The following TENM2 variants were observed in gnomAD, a reference collection of about 807,000 sequenced individuals.
TENM2 encodes the protein teneurin-2.
A neutral mutation model predicts 245.2 loss-of-function variants in TENM2; 52 were observed. That is an observed-to-expected ratio of 0.21 (90% CI 0.17 to 0.27). TENM2 has a LOEUF of 0.27. TENM2 is among the 10% of genes least tolerant of loss of function. TENM2 has a pLI of 1.00. For missense variants in TENM2, 3,046 were observed against 3,666.8 expected (o/e 0.83, Z 4.37); for synonymous variants, 1,363 against 1,438.9 (o/e 0.95, Z 1.19).
chr5:167,504,254 A>C (rs969996761), intron 2 of TENM2, among the ~76,000 whole-genome samples: 1 of 151,996 alleles, frequency 6.6e-6, no homozygotes, highest in Non-Finnish European at 1.5e-5. Flanking sequence ...TGAAACGTGG[A>C]CCCCCATGCA....
At chr5:167,826,513 C>T (rs1479718030) in intron 2 of TENM2, among the ~76,000 whole-genome samples, 2 of 152,246 alleles carry the variant, frequency 1.3e-5, no homozygotes, top group African/African-American at 4.8e-5. Flanking sequence ...AGCACCATTT[C>T]CTGTCACTAA....
At chr5:167,567,785 CAT>C (rs1176110782) in intron 2 of TENM2, among the ~76,000 whole-genome samples, 2 of 152,188 alleles carry the variant, frequency 1.3e-5, no homozygotes, top group Non-Finnish European at 2.9e-5. Context: ...TGCACTTTTA[CAT>C]TATACTAGCT....
At chr5:167,021,357 A>C in the TENM2 span, among the ~76,000 whole-genome samples, 1 of 152,228 alleles carries the variant, frequency 6.6e-6, no homozygotes. Context: ...ACAGTAGTAC[A>C]GGAAATTAAT....
chr5:167,467,915 G>C (rs1030322308), intron 2 of TENM2, among the ~76,000 whole-genome samples: 2 of 152,102 alleles, frequency 1.3e-5, no homozygotes, highest in African/African-American at 4.8e-5. Context: ...AAACCTATAA[G>C]CTGGCATGTA....
chr5:167,804,525 A>G (rs1350461132), intron 2 of TENM2, among the ~76,000 whole-genome samples: 2 of 152,122 alleles, frequency 1.3e-5, no homozygotes, highest in African/African-American at 4.8e-5. Context: ...TGTTGACTAT[A>G]TATTCTGTTT....
intron 3 of TENM2, among the ~76,000 whole-genome samples, chr5:167,891,150 A>G (rs1774723593): frequency 6.6e-6 from 1 of 152,234 alleles, no homozygotes; most frequent in Non-Finnish European, 1.5e-5. Context: ...ATTTTGTGTT[A>G]CATGAAGATA....
chr5:167,324,799 T>A (rs1244997144), intron 1 of TENM2, among the ~76,000 whole-genome samples: 1 of 152,146 alleles, frequency 6.6e-6, no homozygotes, highest in Non-Finnish European at 1.5e-5. Flanking sequence ...TCAGGTACAT[T>A]GATTTAATGA....
intron 5 of TENM2, among the ~76,000 whole-genome samples, chr5:168,039,981 G>A (rs1788042302): frequency 6.6e-6 from 1 of 152,106 alleles, no homozygotes; most frequent in Non-Finnish European, 1.5e-5. Flanking sequence ...CACAGCAATT[G>A]ATTAATCTCG....
chr5:168,182,836 T>C (rs2152494187), intron 13 of TENM2, among the ~76,000 whole-genome samples: 1 of 141,456 alleles, frequency 7.1e-6, no homozygotes, highest in East Asian at 2.0e-4. Context: ...TTTTTTTTTT[T>C]TTTTTTTTTT....
chr5:167,098,422 C>G, the TENM2 span, among the ~76,000 whole-genome samples: 2 of 152,224 alleles, frequency 1.3e-5, no homozygotes, highest in African/African-American at 2.4e-5. Flanking sequence ...ACAGATACAA[C>G]AAACCTTGAA....
At chr5:167,630,699 CA>C (rs1198302277) in intron 2 of TENM2, among the ~76,000 whole-genome samples, 1 of 152,086 alleles carries the variant, frequency 6.6e-6, no homozygotes, top group Non-Finnish European at 1.5e-5. Context: ...CTTTAAAATG[CA>C]ATAACCATTT....
the TENM2 span, among the ~76,000 whole-genome samples, chr5:167,230,476 G>T: frequency 2.4e-4 from 37 of 152,118 alleles, no homozygotes; most frequent in African/African-American, 8.4e-4. Context: ...CACTATTTTG[G>T]TTCTTCTTAG....
intron 2 of TENM2, among the ~76,000 whole-genome samples, chr5:167,400,915 G>A (rs1762330213): frequency 6.6e-6 from 1 of 152,066 alleles, no homozygotes; most frequent in Non-Finnish European, 1.5e-5. Context: ...TGAGGTCCTT[G>A]TAGGTGCTTG....
the TENM2 span, among the ~76,000 whole-genome samples, chr5:167,226,426 G>A: frequency 3.3e-5 from 5 of 151,980 alleles, no homozygotes; most frequent in Admixed American, 3.3e-4. Flanking sequence ...GGAACATGTT[G>A]TTTAGTATCC....
the TENM2 span, among the ~76,000 whole-genome samples, chr5:167,123,778 AG>A: frequency 2.0e-5 from 3 of 152,232 alleles, no homozygotes; most frequent in Non-Finnish European, 4.4e-5. Context: ...AGGTTTATAC[AG>A]GTATATGCAG....
intron 2 of TENM2, among the ~76,000 whole-genome samples, chr5:167,745,555 G>A (rs1761499848): frequency 6.6e-6 from 1 of 152,120 alleles, no homozygotes; most frequent in Non-Finnish European, 1.5e-5. Flanking sequence ...CACATTAGAA[G>A]CTATTTTTAG....
chr5:167,076,854 T>A, the TENM2 span, among the ~76,000 whole-genome samples: 26 of 152,160 alleles, frequency 1.7e-4, no homozygotes, highest in Non-Finnish European at 2.8e-4. Flanking sequence ...CTTTTTTCTT[T>A]TTTTGACAGA....
intron 12 of TENM2, among the ~76,000 whole-genome samples, chr5:168,138,522 C>T (rs1446669585): frequency 1.3e-5 from 2 of 152,242 alleles, no homozygotes; most frequent in African/African-American, 2.4e-5. Context: ...AAGGGTGCCA[C>T]ACCTCATGTG....
At chr5:167,101,269 G>A in the TENM2 span, among the ~76,000 whole-genome samples, 200 of 152,254 alleles carry the variant, frequency 1.3e-3, 1 homozygote, top group Non-Finnish European at 2.4e-3. Flanking sequence ...CTGTCCTCAA[G>A]AAGCCTCTAG....
Sources: gnomAD v4.1 joint callset for allele counts (sites outside exome capture counted in the v4.1 genomes callset) on GRCh38, gnomAD v4.1.1 for gene constraint, MANE v1.5 for transcripts, NCBI Gene and HGNC (gene_info 2026-07-23, HGNC 2026-07-21) for gene names.